CFAP61: variants seen among roughly 807,000 people sequenced by gnomAD.
CFAP61 encodes the protein cilia- and flagella-associated protein 61.
In CFAP61, 107 loss-of-function variants were observed where a neutral mutation model predicts 135.6. That is an observed-to-expected ratio of 0.79 (90% CI 0.67 to 0.93). CFAP61 has a LOEUF of 0.93. Ranked by LOEUF, CFAP61 falls within the 40% of genes least tolerant of loss-of-function variation. The probability of loss-of-function intolerance (pLI) is 0.00; values close to 1 mark genes in which losing one functional copy is unlikely to be tolerated. For synonymous variants in CFAP61, 575 were observed against 578.5 expected (o/e 0.99, Z 0.09); for missense variants, 1,507 against 1,556.2 (o/e 0.97, Z 0.53).
At chr20:20,186,241 T>C (rs1297440579) in intron 13 of CFAP61, among the ~76,000 whole-genome samples, 2 of 152,234 alleles carry the variant, frequency 1.3e-5, no homozygotes, top group African/African-American at 4.8e-5. Context: ...ATTTGCCTAT[T>C]CTGGACATTT....
chr20:20,111,411 C>CGGGAAG (rs1413574140), intron 8 of CFAP61, among the ~76,000 whole-genome samples: 1 of 152,096 alleles, frequency 6.6e-6, no homozygotes, highest in East Asian at 1.9e-4. Flanking sequence ...CTGGGCCTGC[C>CGGGAAG]GGGAAGTAGC....
At chr20:20,111,575 A>C (rs2146670339) in intron 8 of CFAP61, among the ~76,000 whole-genome samples, 1 of 152,326 alleles carries the variant, frequency 6.6e-6, no homozygotes, top group South Asian at 2.1e-4. Flanking sequence ...CTTGGTCATA[A>C]CCAGTTATGT....
chr20:20,262,034 T>C (rs2052277572), intron 20 of CFAP61, among the ~76,000 whole-genome samples: 1 of 152,210 alleles, frequency 6.6e-6, no homozygotes, highest in Non-Finnish European at 1.5e-5. Flanking sequence ...AATAATAATC[T>C]GTTTCTTTCC....
At chr20:20,296,501 T>G (rs2055632636) in intron 24 of CFAP61, among the ~76,000 whole-genome samples, 1 of 147,812 alleles carries the variant, frequency 6.8e-6, no homozygotes, top group African/African-American at 2.5e-5. Context: ...CCTTCCTTCT[T>G]TACTCCCTTC....
At chr20:20,344,896 A>G (rs772928656) in intron 26 of CFAP61, among the ~76,000 whole-genome samples, 67 of 152,316 alleles carry the variant, frequency 4.4e-4, no homozygotes, top group Middle Eastern at 3.4e-3. Flanking sequence ...TGGTCTATAT[A>G]CACAATGGAA....
chr20:20,273,499 T>C (rs1202864045), intron 21 of CFAP61, among the ~76,000 whole-genome samples: 1 of 152,174 alleles, frequency 6.6e-6, no homozygotes, highest in African/African-American at 2.4e-5. Context: ...CTGGCTACAG[T>C]GAGTCATTTT....
At position 20,056,659 on chromosome 20, in the gene CFAP61, AG is replaced by A; in HGVS notation, c.7del (p.Val3TyrfsTer9). On this transcript the variant is annotated frameshift_variant, in exon 2 of 27. Transcript: ENST00000245957. LOFTEE classifies it high-confidence loss of function. ...TTTTGGGGACAGGATAAAAAATGTCAGTACTCACTTCTCCAAGAGGAAAGGT... is the reference window on the plus strand; with the variant it reads ...TTTTGGGGACAGGATAAAAAATGTCATACTCACTTCTCCAAGAGGAAAGGT... MS[V>X]LTSPRGKVEV... The A allele has an allele frequency of 6.2e-7, 1 of 1,614,142 alleles. No individual in the cohort carries two copies. Among genetic ancestry groups the A allele is most frequent in the Non-Finnish European group, 8.5e-7 (1 of 1,180,008 alleles).
At chr20:20,154,731 C>T (rs2052742316) in intron 9 of CFAP61, among the ~76,000 whole-genome samples, 1 of 151,864 alleles carries the variant, frequency 6.6e-6, no homozygotes, top group African/African-American at 2.4e-5. Flanking sequence ...GGTGAAAGAC[C>T]TCTACAAGGA....
chr20:20,061,441 C>T (rs1408010133), intron 2 of CFAP61, among the ~76,000 whole-genome samples: 1 of 152,026 alleles, frequency 6.6e-6, no homozygotes, highest in Non-Finnish European at 1.5e-5. Context: ...TATATAAAGT[C>T]ACAGAAATAT....
At chr20:20,281,592 A>G (rs1205951553) in intron 22 of CFAP61, among the ~76,000 whole-genome samples, 2 of 152,190 alleles carry the variant, frequency 1.3e-5, no homozygotes, top group Non-Finnish European at 2.9e-5. Flanking sequence ...ATATCTCTGG[A>G]ATGAAACCTA....
chr20:20,134,531 C>G (rs2424262), intron 8 of CFAP61, among the ~76,000 whole-genome samples: 137,263 of 152,252 alleles, frequency 0.9, 62,695 homozygotes, highest in Middle Eastern at 0.99. Context: ...GCATTACATG[C>G]TCAGTTTCTA....
chr20:20,075,112 G>A (rs1016612404), intron 4 of CFAP61, 77 bp from the exon 5 acceptor site: 3 of 1,343,690 alleles, frequency 2.2e-6, no homozygotes, highest in East Asian at 4.6e-5. Flanking sequence ...TTTAGTGACA[G>A]CATTTGTCTT....
chr20:20,272,768 C>T (rs2053457832), intron 21 of CFAP61, among the ~76,000 whole-genome samples: 1 of 152,208 alleles, frequency 6.6e-6, no homozygotes, highest in Non-Finnish European at 1.5e-5. Flanking sequence ...GAGGCACCTA[C>T]TGTTTGACTG....
chr20:20,182,434 T>C (rs2055173624), intron 13 of CFAP61, among the ~76,000 whole-genome samples: 1 of 152,062 alleles, frequency 6.6e-6, no homozygotes, highest in African/African-American at 2.4e-5. Context: ...TCATGTGCCT[T>C]ATTTAAAATT....
chr20:20,322,298 A>C (rs1384335968), intron 25 of CFAP61, among the ~76,000 whole-genome samples: 2 of 152,216 alleles, frequency 1.3e-5, no homozygotes, highest in Non-Finnish European at 2.9e-5. Flanking sequence ...TTGCACATTA[A>C]TACATAACTG....
intron 25 of CFAP61, among the ~76,000 whole-genome samples, chr20:20,335,333 G>C (rs556079735): frequency 6.6e-6 from 1 of 152,150 alleles, no homozygotes; most frequent in Non-Finnish European, 1.5e-5. Flanking sequence ...TAGAGTCTTC[G>C]GGGTATCACA....
At chr20:20,136,075 A>G (rs2050897178) in intron 8 of CFAP61, among the ~76,000 whole-genome samples, 1 of 152,184 alleles carries the variant, frequency 6.6e-6, no homozygotes, top group African/African-American at 2.4e-5. Context: ...CTGGCCTGCA[A>G]GGTATCCACT....
chr20:20,162,836 A>G (rs964139), intron 10 of CFAP61, among the ~76,000 whole-genome samples: 137,235 of 152,184 alleles, frequency 0.9, 62,697 homozygotes, highest in Middle Eastern at 0.99. Context: ...TTGTCATATT[A>G]CACTACTTTG....
At chr20:20,179,800 G>A (rs115383204) in intron 13 of CFAP61, among the ~76,000 whole-genome samples, 107 of 152,264 alleles carry the variant, frequency 7.0e-4, no homozygotes, top group African/African-American at 2.4e-3. Context: ...TCAATAAATC[G>A]TGCTGGGATA....
Sources: gnomAD v4.1 joint callset for allele counts (sites outside exome capture counted in the v4.1 genomes callset) on GRCh38, gnomAD v4.1.1 for gene constraint, MANE v1.5 for transcripts, NCBI Gene and HGNC (gene_info 2026-07-23, HGNC 2026-07-21) for gene names.